The following RREB1 variants were observed in gnomAD, a reference collection of about 807,000 sequenced individuals.
RREB1 encodes the protein ras-responsive element-binding protein 1.
Under a neutral mutation model 117.8 loss-of-function variants are expected in RREB1, and 27 were observed. That is an observed-to-expected ratio of 0.23 (90% CI 0.17 to 0.32). The LOEUF (loss-of-function observed/expected upper bound fraction) is 0.32, where lower values mean the gene tolerates loss of function less well. Among genes scored for constraint, RREB1 ranks in the 10% least tolerant of loss-of-function variants. The probability of loss-of-function intolerance (pLI) is 1.00; values close to 1 mark genes in which losing one functional copy is unlikely to be tolerated. For missense variants in RREB1, 2,577 were observed against 2,378.2 expected, an observed-to-expected ratio of 1.08 and a Z score of -1.74; for synonymous variants, 1,298 against 1,026.7, an observed-to-expected ratio of 1.26 and a Z score of -5.05.
rs1769416896 is a variant in RREB1, at chr6:7,251,644, G to A, written c.*2676G>A. The A allele has an allele frequency of 6.6e-6, 1 of 151,944 alleles. No individual in the cohort carries two copies. Among genetic ancestry groups the A allele is most frequent in the African/African-American group, 2.4e-5 (1 of 41,354 alleles). The allele number at this position is 151,944 out of a possible 1,614,324, so 9.4% of individuals were successfully genotyped here. A position where few individuals can be genotyped will look rare whatever the true frequency, so the allele number is the denominator to read the frequency against. ...TACGTAACAGTCGGATGCCAGTTTT[G>A]GAAGATTCACCATGCGTTCTGACCC... On this transcript the variant is annotated 3_prime_UTR_variant, in exon 13 of 13. Coordinates refer to ENST00000379938, the MANE Select transcript of RREB1 (RefSeq NM_001003699.4).
intron 1 of RREB1, among the ~76,000 whole-genome samples, chr6:7,165,762 G>A (rs560339665): frequency 6.6e-6 from 1 of 152,312 alleles, no homozygotes; most frequent in African/African-American, 2.4e-5. Flanking sequence ...TGCTTCTGGT[G>A]TTGACCCAAT....
At chr6:7,223,763 G>C (rs1767421959) in intron 8 of RREB1, among the ~76,000 whole-genome samples, 1 of 152,080 alleles carries the variant, frequency 6.6e-6, no homozygotes, top group African/African-American at 2.4e-5. Flanking sequence ...AACACATGTG[G>C]AGCACATACG....
intron 6 of RREB1, among the ~76,000 whole-genome samples, chr6:7,199,142 G>T (rs1765808030): frequency 6.6e-6 from 1 of 152,154 alleles, no homozygotes; most frequent in Non-Finnish European, 1.5e-5. Flanking sequence ...CATTTTCTTT[G>T]GTGCTTCTGA....
chr6:7,182,464 C>T (rs1381774406), intron 4 of RREB1, among the ~76,000 whole-genome samples: 2 of 152,162 alleles, frequency 1.3e-5, no homozygotes, highest in African/African-American at 4.8e-5. Flanking sequence ...TAAGTATTGC[C>T]TGTGCTAGGG....
chr6:7,109,761 C>T (rs1761045238), intron 1 of RREB1, among the ~76,000 whole-genome samples: 1 of 152,250 alleles, frequency 6.6e-6, no homozygotes, highest in Admixed American at 6.5e-5. Context: ...TTCTACACGG[C>T]TTCAGAGCCA....
rs544996408 is a variant in RREB1, at chr6:7,162,052, C to G, written c.-284-14603C>G. Among the ~76,000 whole-genome samples, 121 of 152,094 alleles carry G rather than the reference C, an allele frequency of 8.0e-4. 1 individual carries two copies. The highest frequency in any genetic ancestry group is 1.6e-3 in the Non-Finnish European group (106 of 68,014). On this transcript the variant is annotated intron_variant, in intron 1 of 12. Transcript: ENST00000379938. ...TTGAGCCCAGCATCATTCTGCCAGC[C>G]GCATCTTTGCCATTTCCCCCACTGC...
At chr6:7,220,656 T>A (rs925332657) in intron 8 of RREB1, among the ~76,000 whole-genome samples, 1 of 152,236 alleles carries the variant, frequency 6.6e-6, no homozygotes, top group Non-Finnish European at 1.5e-5. Flanking sequence ...GCCAATCCGA[T>A]TTGTAAACCT....
chr6:7,126,302 G>A (rs1041665777), intron 1 of RREB1, among the ~76,000 whole-genome samples: 3 of 145,218 alleles, frequency 2.1e-5, no homozygotes, highest in East Asian at 2.1e-4. Flanking sequence ...GCCCGGCCTC[G>A]ATTCCCCCCC....
intron 1 of RREB1, chr6:7,139,404 ATGT>A (rs1257737985): frequency 6.6e-6 from 1 of 152,256 alleles, no homozygotes; most frequent in African/African-American, 2.4e-5. Context: ...GTAGGTTCTG[ATGT>A]TTAACTCAAT....
chr6:7,220,851 A>G (rs564159635), intron 8 of RREB1, among the ~76,000 whole-genome samples: 69 of 152,334 alleles, frequency 4.5e-4, no homozygotes, highest in Non-Finnish European at 8.2e-4. Flanking sequence ...CGTGGGGACC[A>G]CCTGGCCAGT....
intron 4 of RREB1, among the ~76,000 whole-genome samples, chr6:7,182,317 G>T (rs984171600): frequency 1.3e-5 from 2 of 151,970 alleles, no homozygotes; most frequent in Admixed American, 1.3e-4. Context: ...CTTATTTTTG[G>T]CCCCACCATT....
At chr6:7,210,982 C>T (rs1423772089) in intron 7 of RREB1, 34 bp downstream of exon 7, 1 of 1,593,000 alleles carries the variant, frequency 6.3e-7, no homozygotes, top group East Asian at 2.2e-5. Context: ...TTCACCTGCT[C>T]AGGGGACTTC....
intron 6 of RREB1, among the ~76,000 whole-genome samples, chr6:7,209,467 G>A (rs1180189676): frequency 6.6e-6 from 1 of 152,034 alleles, no homozygotes; most frequent in Admixed American, 6.5e-5. Flanking sequence ...GAATAGAGGT[G>A]CTTAGAACAA....
chr6:7,191,240 T>TA (rs1489092632), intron 6 of RREB1, among the ~76,000 whole-genome samples: 1 of 152,178 alleles, frequency 6.6e-6, no homozygotes, highest in African/African-American at 2.4e-5. Flanking sequence ...TTTTACATCT[T>TA]ACGGTATAAT....
intron 1 of RREB1, among the ~76,000 whole-genome samples, chr6:7,170,933 A>C (rs1319037679): frequency 1.3e-5 from 2 of 152,202 alleles, no homozygotes; most frequent in Non-Finnish European, 2.9e-5. Context: ...CTGCTGTGCC[A>C]GCCCCCAGAG....
chr6:7,219,811 C>G (rs1767131955), intron 8 of RREB1, among the ~76,000 whole-genome samples: 1 of 152,172 alleles, frequency 6.6e-6, no homozygotes, highest in Admixed American at 6.5e-5. Flanking sequence ...CTTTACATAC[C>G]AGGGGCCATG....
intron 10 of RREB1, among the ~76,000 whole-genome samples, chr6:7,233,939 G>A (rs72818919): frequency 0.084 from 12,760 of 152,230 alleles, 624 homozygotes; most frequent in Non-Finnish European, 0.11. Context: ...AGGACTCTCA[G>A]TGGCTGCACT....
chr6:7,243,344 T>C (rs1252253079), intron 11 of RREB1, among the ~76,000 whole-genome samples: 1 of 152,208 alleles, frequency 6.6e-6, no homozygotes, highest in African/African-American at 2.4e-5. Flanking sequence ...GAGCTGCGGG[T>C]TTATTATCTA....
rs1041552691 is a variant in RREB1 at position 7,193,696 on chromosome 6, A to G, written c.425+4374A>G. Among the ~76,000 whole-genome samples the G allele has an allele frequency of 4.6e-5, 7 of 152,204 alleles. 1 individual carries two copies. Among genetic ancestry groups the G allele is most frequent in the Non-Finnish European group, 4.4e-5 (3 of 68,034 alleles). ...ATGCAGGTCTACACACAAAATTTAT[A>G]TATGTTTCATATACACCTTATACAC... On this transcript the variant is annotated intron_variant, in intron 6 of 12. Coordinates refer to ENST00000379938, the MANE Select transcript of RREB1 (RefSeq NM_001003699.4).
Sources: gnomAD v4.1 joint callset for allele counts (sites outside exome capture counted in the v4.1 genomes callset) on GRCh38, gnomAD v4.1.1 for gene constraint, MANE v1.5 for transcripts, NCBI Gene and HGNC (gene_info 2026-07-23, HGNC 2026-07-21) for gene names.